Variants in CDH18 observed in about 807,000 individuals in gnomAD.
CDH18 encodes the protein cadherin 18.
A neutral mutation model predicts 67.9 loss-of-function variants in CDH18; 31 were observed. The observed-to-expected ratio is 0.46, with a 90% CI of 0.34 to 0.62. CDH18 has a LOEUF of 0.62. Ranked by LOEUF, CDH18 falls within the 20% of genes least tolerant of loss-of-function variation. The pLI is 0.01. For missense variants in CDH18, 890 were observed against 975.5 expected (o/e 0.91, Z 1.17); for synonymous variants, 362 against 347.2 (o/e 1.04, Z -0.48).
intron 2 of CDH18, among the ~76,000 whole-genome samples, chr5:20,123,794 A>G (rs1748578842): frequency 6.6e-6 from 1 of 150,810 alleles, no homozygotes; most frequent in African/African-American, 2.4e-5. Context: ...AGGCTGAGGC[A>G]GGAGAATGGC....
chr5:19,821,875 T>G (rs1779913511), intron 3 of CDH18, among the ~76,000 whole-genome samples: 1 of 151,948 alleles, frequency 6.6e-6, no homozygotes, highest in Non-Finnish European at 1.5e-5. Flanking sequence ...GCTTCATAAG[T>G]AAAGAAGAAA....
At chr5:20,413,516 G>A (rs1746981091) in intron 1 of CDH18, among the ~76,000 whole-genome samples, 2 of 152,038 alleles carry the variant, frequency 1.3e-5, no homozygotes, top group African/African-American at 4.8e-5. Flanking sequence ...AACTGGTGTG[G>A]GATATTATCT....
At chr5:19,951,569 G>A (rs1301794488) in intron 2 of CDH18, among the ~76,000 whole-genome samples, 3 of 152,062 alleles carry the variant, frequency 2.0e-5, no homozygotes, top group Non-Finnish European at 4.4e-5. Flanking sequence ...GAGTCAAGTA[G>A]GACTCTGATG....
At chr5:19,764,497 T>C (rs1772806209) in intron 3 of CDH18, among the ~76,000 whole-genome samples, 2 of 151,814 alleles carry the variant, frequency 1.3e-5, no homozygotes, top group Non-Finnish European at 2.9e-5. Flanking sequence ...CATATAAAGT[T>C]AGGGAAGAAT....
At chr5:19,669,074 G>A (rs1270951477) in intron 5 of CDH18, among the ~76,000 whole-genome samples, 1 of 147,504 alleles carries the variant, frequency 6.8e-6, no homozygotes, top group African/African-American at 2.5e-5. Flanking sequence ...AGAGCATAAT[G>A]ATTACTTCCA....
At chr5:19,942,474 G>A (rs1046544604) in intron 2 of CDH18, among the ~76,000 whole-genome samples, 1 of 152,046 alleles carries the variant, frequency 6.6e-6, no homozygotes, top group African/African-American at 2.4e-5. Context: ...TCAAGGGAGC[G>A]ATATTCCTAT....
chr5:20,415,419 C>T lies in CDH18; in HGVS notation c.-579-159914G>A, dbSNP rs780890336. The stretch of plus-strand genomic sequence containing the variant: ...AAAAAGAAAGTGTAGTACATACATA[C>T]AATGGAATATCATTCAATGTAGTAC... On this transcript the variant is annotated intron_variant, in intron 1 of 14. Coordinates refer to the CDH18 transcript ENST00000507958. Among the ~76,000 whole-genome samples, 3 of 152,012 alleles carry T rather than the reference C, an allele frequency of 2.0e-5. No homozygotes were observed. In the East Asian group the frequency reaches 5.8e-4, roughly 29 times the overall value.
chr5:20,252,935 C>CA (rs547191116), intron 2 of CDH18, among the ~76,000 whole-genome samples: 43,056 of 132,308 alleles, frequency 0.33, 6,895 homozygotes, highest in Non-Finnish European at 0.39. Flanking sequence ...GACTCCACCT[C>CA]AAAAAAAAAA....
intron 2 of CDH18, among the ~76,000 whole-genome samples, chr5:19,946,791 C>T (rs1051514643): frequency 6.6e-6 from 1 of 152,000 alleles, no homozygotes; most frequent in African/African-American, 2.4e-5. Flanking sequence ...TAGTACAAAG[C>T]AAGAAAATAA....
intron 2 of CDH18, among the ~76,000 whole-genome samples, chr5:19,884,131 C>A (rs1214491435): frequency 6.6e-6 from 1 of 152,038 alleles, no homozygotes; most frequent in Non-Finnish European, 1.5e-5. Context: ...TTTCAACTGA[C>A]AGTCAATGGG....
intron 2 of CDH18, among the ~76,000 whole-genome samples, chr5:19,860,499 A>T (rs1581683770): frequency 1.5e-5 from 2 of 134,730 alleles, no homozygotes; most frequent in African/African-American, 2.8e-5. Flanking sequence ...GTTTTATTTT[A>T]GTTCATATCA....
rs1249893671 is a variant in CDH18 at position 20,352,037 on chromosome 5, AT to A, written c.-579-96533del. Among the ~76,000 whole-genome samples, 9 of 152,276 alleles carry A rather than the reference AT, an allele frequency of 5.9e-5. No individual in the cohort carries two copies. The South Asian group carries it at 6.2e-4, about 11-fold the overall frequency. The stretch of plus-strand genomic sequence containing the variant: ...ACTCAAAGTAAGCTTATAAAGCAGT[AT>A]TTAATCTTATTCAGCAAAAAATCTG... On this transcript the variant is annotated intron_variant, in intron 1 of 14. Coordinates refer to the CDH18 transcript ENST00000507958.
intron 2 of CDH18, among the ~76,000 whole-genome samples, chr5:20,206,173 G>A (rs1390483737): frequency 2.0e-5 from 3 of 151,680 alleles, no homozygotes. Context: ...TTATACCACA[G>A]AAATGCAAAA....
intron 2 of CDH18, among the ~76,000 whole-genome samples, chr5:20,188,862 A>AC (rs1237260652): frequency 6.6e-6 from 1 of 150,950 alleles, no homozygotes; most frequent in Non-Finnish European, 1.5e-5. Context: ...AAAAAAAAAA[A>AC]ATCCACTCTC....
intron 3 of CDH18, among the ~76,000 whole-genome samples, chr5:19,808,522 C>T (rs1778276727): frequency 6.6e-6 from 1 of 151,754 alleles, no homozygotes; most frequent in South Asian, 2.1e-4. Flanking sequence ...AAGTAAATAC[C>T]TGTTGAAATA....
At chr5:19,734,469 C>A (rs1334474187) in intron 4 of CDH18, among the ~76,000 whole-genome samples, 1 of 151,656 alleles carries the variant, frequency 6.6e-6, no homozygotes, top group Non-Finnish European at 1.5e-5. Context: ...CTGCTTAATT[C>A]TTGTGTCACA....
At chr5:19,962,378 C>CAAAATAAAAAAAAAAAAAAAA in intron 2 of CDH18, among the ~76,000 whole-genome samples, 1 of 51,594 alleles carries the variant, frequency 1.9e-5, no homozygotes, top group Non-Finnish European at 3.3e-5. Flanking sequence ...CGTCAAAAAG[C>CAAAATAAAAAAAAAAAAAAAA]AAAAAAAAAA....
At chr5:19,906,362 A>G (rs1790537572) in intron 2 of CDH18, among the ~76,000 whole-genome samples, 1 of 151,984 alleles carries the variant, frequency 6.6e-6, no homozygotes, top group South Asian at 2.1e-4. Context: ...ATGTAAAGAT[A>G]CCTAATGACG....
intron 1 of CDH18, among the ~76,000 whole-genome samples, chr5:19,983,010 G>A (rs1799210449): frequency 1.2e-5 from 1 of 83,592 alleles, no homozygotes; most frequent in East Asian, 3.9e-4. Context: ...TCCAGCCTGG[G>A]CGACAGAGCA....
Sources: gnomAD v4.1 joint callset for allele counts (sites outside exome capture counted in the v4.1 genomes callset) on GRCh38, gnomAD v4.1.1 for gene constraint, MANE v1.5 for transcripts, NCBI Gene and HGNC (gene_info 2026-07-23, HGNC 2026-07-21) for gene names.